Variants in FRS2 observed in about 807,000 individuals in gnomAD.
FRS2 encodes the protein fibroblast growth factor receptor substrate 2, also known as FGFR signalling adaptor.
In FRS2, 8 loss-of-function variants were observed where a neutral mutation model predicts 43.9. The ratio of observed to expected loss-of-function variants is 0.18; its 90% CI spans 0.11 to 0.33. The LOEUF (loss-of-function observed/expected upper bound fraction) is 0.33. Among genes scored for constraint, FRS2 ranks in the 10% least tolerant of loss-of-function variants. The pLI is 1.00. For synonymous variants in FRS2, 219 were observed against 220.3 expected, an observed-to-expected ratio of 0.99 and a Z score of 0.05; for missense variants, 534 against 627.6, an observed-to-expected ratio of 0.85 and a Z score of 1.59.
At chr12:69,472,701 T>C (rs564351923) in intron 1 of FRS2, among the ~76,000 whole-genome samples, 3 of 152,362 alleles carry the variant, frequency 2.0e-5, no homozygotes, top group African/African-American at 7.2e-5. Context: ...TAGCATGCTA[T>C]TTGCTATGCT....
chr12:69,563,414 T>C (rs145816633), intron 4 of FRS2, among the ~76,000 whole-genome samples: 1,978 of 152,282 alleles, frequency 0.013, 47 homozygotes, highest in African/African-American at 0.045. Context: ...GCCACCTGTT[T>C]TTTTGTTTTG....
intron 1 of FRS2, among the ~76,000 whole-genome samples, chr12:69,528,310 A>G (rs1396571496): frequency 2.6e-5 from 4 of 152,198 alleles, no homozygotes; most frequent in African/African-American, 9.6e-5. Flanking sequence ...AGTTCTTTTG[A>G]TTGTTTCCTG....
rs971724191 is a variant in FRS2 at position 69,557,001 on chromosome 12, A to G, written c.-121-5179A>G. 4.6e-5 allele frequency among the ~76,000 whole-genome samples: 7 copies of G among 152,260 alleles called. No homozygotes were observed. The East Asian group carries it at 1.2e-3, about 25-fold the overall frequency. Reference sequence around the variant, plus strand: ...AAACTGAATTGATTTTAAGTTACTCAGTGATTACATTAAGAACAACTTGGC... The same window carrying G: ...AAACTGAATTGATTTTAAGTTACTCGGTGATTACATTAAGAACAACTTGGC... On this transcript the variant is annotated intron_variant, in intron 3 of 8. Coordinates refer to ENST00000549921, the MANE Select transcript of FRS2 (RefSeq NM_001278356.2).
At chr12:69,519,475 G>A (rs1875407084) in intron 1 of FRS2, among the ~76,000 whole-genome samples, 1 of 152,152 alleles carries the variant, frequency 6.6e-6, no homozygotes, top group African/African-American at 2.4e-5. Context: ...GTGTTACGGG[G>A]TTTGTTGTAT....
intron 1 of FRS2, among the ~76,000 whole-genome samples, chr12:69,507,767 G>T (rs1469953348): frequency 6.6e-6 from 1 of 152,130 alleles, no homozygotes; most frequent in African/African-American, 2.4e-5. Context: ...GCTCACGCCT[G>T]TAATCCCAGC....
chr12:69,562,988 C>T lies in FRS2; in HGVS notation c.-27+714C>T, dbSNP rs1307137605. ...GATTACAGGTGTGAGCCACCACACC[C>T]GGCCTACCTTTTGTTCTTAAATGTA... On this transcript the variant is annotated intron_variant, in intron 4 of 8. Coordinates refer to ENST00000549921, the MANE Select transcript of FRS2 (RefSeq NM_001278356.2). 2.0e-5 allele frequency among the ~76,000 whole-genome samples: 3 copies of T among 152,258 alleles called. No individual in the cohort carries two copies. In the East Asian group the frequency reaches 5.8e-4, roughly 29 times the overall value.
At chr12:69,570,882 C>T (rs1880697365) in intron 6 of FRS2, among the ~76,000 whole-genome samples, 1 of 152,166 alleles carries the variant, frequency 6.6e-6, no homozygotes, top group Non-Finnish European at 1.5e-5. Context: ...TAATACCTAT[C>T]TTTTAATTAT....
At position 69,574,129 on chromosome 12, in the gene FRS2, G is replaced by C. The variant is rs1229462106; in HGVS notation, c.701G>C (p.Ser234Thr). The C allele has an allele frequency of 1.2e-6, 2 of 1,613,890 alleles. No individual in the cohort carries two copies. Among genetic ancestry groups the C allele is most frequent in the African/African-American group, 2.7e-5 (2 of 74,942 alleles). The change falls in exon 9 of 9, where the codon AGT becomes ACT. Residue 234 changes from serine (S) to threonine (T), a missense_variant. Coordinates refer to ENST00000549921, the MANE Select transcript of FRS2 (RefSeq NM_001278356.2). Reference sequence around the variant, plus strand: ...AGCACACCAAAAGAAGAACCAAGTAGTATTGAGGACAGGGATCCTCAGATT... The same window carrying C: ...AGCACACCAAAAGAAGAACCAAGTACTATTGAGGACAGGGATCCTCAGATT... Reference protein sequence around the residue: ...ESSTPKEEPSSIEDRDPQILL... With the variant: ...ESSTPKEEPSTIEDRDPQILL...
chr12:69,555,647 TTTCATACA>T (rs1406459840), intron 3 of FRS2, among the ~76,000 whole-genome samples: 1 of 152,166 alleles, frequency 6.6e-6, no homozygotes, highest in Non-Finnish European at 1.5e-5. Flanking sequence ...AGGGCTGACT[TTTCATACA>T]CACAGATTCC....
chr12:69,536,393 G>A (rs577172245), intron 3 of FRS2, among the ~76,000 whole-genome samples: 1 of 151,292 alleles, frequency 6.6e-6, no homozygotes, highest in Non-Finnish European at 1.5e-5. Flanking sequence ...AAAGTGCTGG[G>A]ATTACAGGCG....
At chr12:69,566,814 G>A (rs1179867790) in intron 4 of FRS2, among the ~76,000 whole-genome samples, 1 of 152,050 alleles carries the variant, frequency 6.6e-6, no homozygotes, top group Admixed American at 6.6e-5. Context: ...GGCTATCTTC[G>A]AGTTAACTGG....
chr12:69,512,987 A>T (rs929259133), intron 1 of FRS2, among the ~76,000 whole-genome samples: 1 of 152,166 alleles, frequency 6.6e-6, no homozygotes, highest in Admixed American at 6.5e-5. Context: ...TCTTAATGAC[A>T]TCATTCAGCT....
chr12:69,568,510 T>C (rs945735671), intron 4 of FRS2, among the ~76,000 whole-genome samples: 2 of 150,776 alleles, frequency 1.3e-5, no homozygotes, highest in Non-Finnish European at 2.9e-5. Flanking sequence ...CAACATAATG[T>C]CTGCCTGCCT....
At chr12:69,480,585 C>T (rs1871267314) in intron 1 of FRS2, among the ~76,000 whole-genome samples, 2 of 152,228 alleles carry the variant, frequency 1.3e-5, no homozygotes, top group Non-Finnish European at 2.9e-5. Flanking sequence ...CCTGTCTCAG[C>T]TTCCCAAGTA....
chr12:69,572,287 C>T lies in FRS2; in HGVS notation c.576+6C>T. ...TGCTTGTGGCTGAGGAACAAGTAAGCATGTGCTACTGTGTAACAGCAATAA... is the reference window on the plus strand; with the variant it reads ...TGCTTGTGGCTGAGGAACAAGTAAGTATGTGCTACTGTGTAACAGCAATAA... On this transcript the variant is annotated splice_donor_region_variant and intron_variant, in intron 8 of 8. Coordinates refer to ENST00000549921, the MANE Select transcript of FRS2 (RefSeq NM_001278356.2). 6.2e-7 allele frequency: 1 copy of T among 1,606,832 alleles called. No individual in the cohort carries two copies.
intron 1 of FRS2, among the ~76,000 whole-genome samples, chr12:69,505,594 G>A (rs1393778589): frequency 1.3e-5 from 2 of 152,266 alleles, no homozygotes; most frequent in East Asian, 1.9e-4. Context: ...AGTTATATTA[G>A]ACATGGAACT....
At chr12:69,485,758 A>G (rs1871879963) in intron 1 of FRS2, among the ~76,000 whole-genome samples, 4 of 152,282 alleles carry the variant, frequency 2.6e-5, no homozygotes, top group African/African-American at 4.8e-5. Context: ...ATGAGCCACC[A>G]TGCCTGACCT....
At chr12:69,488,145 G>A (rs1363833174) in intron 1 of FRS2, among the ~76,000 whole-genome samples, 2 of 152,224 alleles carry the variant, frequency 1.3e-5, no homozygotes, top group African/African-American at 4.8e-5. Context: ...CAGTGACAGG[G>A]TTTGAGAGGA....
intron 1 of FRS2, among the ~76,000 whole-genome samples, chr12:69,481,562 C>A (rs1019973055): frequency 1.3e-5 from 2 of 152,118 alleles, no homozygotes; most frequent in Non-Finnish European, 1.5e-5. Flanking sequence ...GCTGGAATTA[C>A]AGGCATAAGC....
Sources: allele counts gnomAD v4.1 joint callset (sites outside exome capture counted in the v4.1 genomes callset), GRCh38; gene constraint gnomAD v4.1.1; transcripts MANE v1.5; gene names NCBI Gene and HGNC (gene_info 2026-07-23, HGNC 2026-07-21).